The following CLASP2 variants were observed in gnomAD, a reference collection of about 807,000 sequenced individuals.
The protein encoded by CLASP2 is CLIP-associating protein 2.
CLASP2 carries 47 observed loss-of-function variants against 194.4 expected under a neutral mutation model. That is an observed-to-expected ratio of 0.24 (90% CI 0.19 to 0.31). The LOEUF is 0.31. CLASP2 is among the 10% of genes least tolerant of loss of function. The pLI, the probability that CLASP2 is intolerant of heterozygous loss-of-function variation, is 1.00. For missense variants in CLASP2, 1,445 were observed against 1,823.6 expected (o/e 0.79, Z 3.78); for synonymous variants, 619 against 633.5 (o/e 0.98, Z 0.34).
At chr3:33,685,369 T>C (rs79665827) in intron 5 of CLASP2, among the ~76,000 whole-genome samples, 2 of 92,648 alleles carry the variant, frequency 2.2e-5, no homozygotes, top group East Asian at 4.3e-4. Context: ...AAAAAAAAAA[T>C]CCTATCTGTA....
At chr3:33,696,606 C>T (rs1201307393) in intron 2 of CLASP2, among the ~76,000 whole-genome samples, 11 of 151,812 alleles carry the variant, frequency 7.2e-5, no homozygotes, top group African/African-American at 2.4e-4. Flanking sequence ...GCTGGGATTA[C>T]AGGCACACGC....
At chr3:33,637,672 T>C (rs1375640938) in intron 8 of CLASP2, among the ~76,000 whole-genome samples, 2 of 152,210 alleles carry the variant, frequency 1.3e-5, no homozygotes, top group African/African-American at 4.8e-5. Context: ...TCAGTAAATA[T>C]TTGCAAGCTG....
intron 37 of CLASP2, chr3:33,503,084 C>T (rs1434365748): frequency 6.6e-6 from 1 of 152,074 alleles, no homozygotes; most frequent in Non-Finnish European, 1.5e-5. Flanking sequence ...TGGTATGTGA[C>T]AAGAACAGGC....
At chr3:33,606,043 T>C (rs1384593165) in intron 16 of CLASP2, among the ~76,000 whole-genome samples, 2 of 151,954 alleles carry the variant, frequency 1.3e-5, no homozygotes, top group East Asian at 3.9e-4. Flanking sequence ...AGCAATCTCA[T>C]AGGGCTAGAG....
chr3:33,670,176 T>C (rs1039832672), intron 6 of CLASP2, among the ~76,000 whole-genome samples: 3 of 151,936 alleles, frequency 2.0e-5, no homozygotes, highest in Non-Finnish European at 4.4e-5. Flanking sequence ...CACAAAAAAG[T>C]ATATGATTCT....
chr3:33,712,989 G>A (rs1336070470), intron 1 of CLASP2, among the ~76,000 whole-genome samples: 4 of 126,126 alleles, frequency 3.2e-5, no homozygotes, highest in Admixed American at 8.8e-5. Context: ...TCCAGCCTGG[G>A]CGACAAGAGC....
At chr3:33,634,674 T>C (rs2079782009) in intron 8 of CLASP2, among the ~76,000 whole-genome samples, 1 of 152,174 alleles carries the variant, frequency 6.6e-6, no homozygotes, top group Non-Finnish European at 1.5e-5. Flanking sequence ...GCTGAGAGAT[T>C]TTAAGTATTC....
At chr3:33,663,289 A>G (rs935883477) in intron 7 of CLASP2, among the ~76,000 whole-genome samples, 156 bp downstream of exon 7, 1 of 151,982 alleles carries the variant, frequency 6.6e-6, no homozygotes, top group Non-Finnish European at 1.5e-5. Context: ...GAGGATAGAT[A>G]ATTATCAGCA....
At chr3:33,694,721 A>G (rs967566259) in intron 2 of CLASP2, among the ~76,000 whole-genome samples, 10 of 152,218 alleles carry the variant, frequency 6.6e-5, no homozygotes, top group Admixed American at 2.0e-4. Flanking sequence ...TCTTGAGACA[A>G]GCCAGAAATA....
At chr3:33,685,499 T>C (rs1355352878) in intron 5 of CLASP2, among the ~76,000 whole-genome samples, 2 of 152,252 alleles carry the variant, frequency 1.3e-5, no homozygotes, top group Middle Eastern at 3.4e-3. Context: ...ACAGATACTT[T>C]TTACACTAAT....
chr3:33,659,238 C>T (rs2154330734), intron 7 of CLASP2: 1 of 1,282,906 alleles, frequency 7.8e-7, no homozygotes. Flanking sequence ...ATTAAGATTA[C>T]TCTTTAGCTG....
rs1356467278 is a variant in CLASP2 at position 33,510,587 on chromosome 3, A to G, written c.4288T>C (p.Leu1430=). The G allele has an allele frequency of 6.2e-7, 1 of 1,613,930 alleles. No individual in the cohort carries two copies. The highest frequency in any genetic ancestry group is 2.2e-5 in the East Asian group (1 of 44,872). Residue 1430 remains leucine, a synonymous_variant, in exon 37 of 39, where the codon TTG becomes CTG. Transcript: ENST00000682230. The stretch of plus-strand genomic sequence containing the variant: ...ATTAGACCTGGCATAATCTCTGGCA[A>G]AAGCAGGTTTAGGGTTTCCTTGGAC... ...RVSKETLNLL[L]PEIMPGLIQG...
chr3:33,587,799 C>T (rs1379365845), intron 21 of CLASP2, among the ~76,000 whole-genome samples: 4 of 152,142 alleles, frequency 2.6e-5, no homozygotes, highest in African/African-American at 9.7e-5. Context: ...TCCAAACACC[C>T]AACATGCCAC....
intron 7 of CLASP2, among the ~76,000 whole-genome samples, chr3:33,661,976 T>C (rs1431000157): frequency 1.3e-5 from 2 of 152,206 alleles, no homozygotes; most frequent in African/African-American, 2.4e-5. Flanking sequence ...ATGACCAATA[T>C]GACTTTAACT....
chr3:33,525,010 TAG>T (rs1488768141), intron 34 of CLASP2, among the ~76,000 whole-genome samples: 1 of 152,138 alleles, frequency 6.6e-6, no homozygotes, highest in Admixed American at 6.5e-5. Context: ...TTTTCCAATA[TAG>T]GTTATATGTT....
chr3:33,659,848 C>A (rs1364798956), intron 7 of CLASP2, among the ~76,000 whole-genome samples: 1 of 152,244 alleles, frequency 6.6e-6, no homozygotes, highest in East Asian at 1.9e-4. Flanking sequence ...AAGAAAAGAG[C>A]TGCTTTGCTT....
At chr3:33,644,706 A>AT in intron 8 of CLASP2, 51 bp downstream of exon 8, 2 of 1,596,468 alleles carry the variant, frequency 1.3e-6, no homozygotes, top group East Asian at 4.5e-5. Context: ...ATGTGTGGCC[A>AT]TATCAAGGGC....
intron 8 of CLASP2, among the ~76,000 whole-genome samples, chr3:33,635,525 AG>A (rs1372798043): frequency 6.6e-6 from 1 of 152,212 alleles, no homozygotes; most frequent in Non-Finnish European, 1.5e-5. Flanking sequence ...TGAAATAACT[AG>A]GAGAATTAGG....
intron 21 of CLASP2, among the ~76,000 whole-genome samples, chr3:33,587,252 T>C (rs2067612175): frequency 6.6e-6 from 1 of 151,872 alleles, no homozygotes; most frequent in South Asian, 2.1e-4. Context: ...CAGCCTCCTG[T>C]GTAGCTGGGA....
Sources: allele counts gnomAD v4.1 joint callset (sites outside exome capture counted in the v4.1 genomes callset), GRCh38; gene constraint gnomAD v4.1.1; transcripts MANE v1.5; gene names NCBI Gene and HGNC (gene_info 2026-07-23, HGNC 2026-07-21).